Variants in IMMP2L observed in about 807,000 individuals in gnomAD.
The protein encoded by IMMP2L is mitochondrial inner membrane protease subunit 2.
Under a neutral mutation model 19.3 loss-of-function variants are expected in IMMP2L, and 18 were observed. The observed-to-expected ratio is 0.93, with a 90% CI of 0.64 to 1.38. The LOEUF is 1.38. Ranked by LOEUF, IMMP2L falls within the 40% of genes most tolerant of loss-of-function variation. The pLI, the probability that IMMP2L is intolerant of heterozygous loss-of-function variation, is 0.00. For missense variants in IMMP2L, 233 were observed against 218.2 expected, an observed-to-expected ratio of 1.07 and a Z score of -0.43; for synonymous variants, 76 against 73.0, an observed-to-expected ratio of 1.04 and a Z score of -0.21.
At chr7:111,276,640 C>CAAAAAAAAAAAAAAAAAAAA (rs1562997852) in intron 3 of IMMP2L, among the ~76,000 whole-genome samples, 1 of 105,908 alleles carries the variant, frequency 9.4e-6, no homozygotes, top group African/African-American at 3.7e-5. Context: ...CATGTGGAAC[C>CAAAAAAAAAAAAAAAAAAAA]GAAAAAAAAA....
rs1586845629 is a variant in IMMP2L, at chr7:111,210,845, A to C, written c.240-247280T>G. ...ACAAAATGAGAACAAAATTACTCAA[A>C]ATGAGAAATAATACTTGAACTTGAA... is the stretch of plus-strand genomic sequence containing the variant. On this transcript the variant is annotated intron_variant, in intron 3 of 5. Coordinates refer to ENST00000405709, the MANE Select transcript of IMMP2L (RefSeq NM_032549.4). Among the ~76,000 whole-genome samples the C allele has an allele frequency of 2.0e-5, 3 of 152,290 alleles. 1 individual carries two copies. The South Asian group carries it at 6.2e-4, about 32-fold the overall frequency.
At chr7:110,969,840 G>T (rs551535936) in intron 3 of IMMP2L, among the ~76,000 whole-genome samples, 144 of 152,200 alleles carry the variant, frequency 9.5e-4, no homozygotes, top group Non-Finnish European at 1.6e-3. Context: ...ACACTGGAGA[G>T]ATTCCAGTCA....
At chr7:110,932,649 C>T (rs1030918113) in intron 4 of IMMP2L, among the ~76,000 whole-genome samples, 3 of 152,124 alleles carry the variant, frequency 2.0e-5, no homozygotes, top group Non-Finnish European at 1.5e-5. Context: ...CCAATGGTCC[C>T]AGCTCAAGAA....
intron 3 of IMMP2L, among the ~76,000 whole-genome samples, chr7:111,417,766 T>G (rs963128331): frequency 3.9e-5 from 6 of 151,978 alleles, no homozygotes; most frequent in African/African-American, 1.5e-4. Flanking sequence ...TCAAGTTTTC[T>G]CTTATTAGGA....
chr7:111,551,521 T>A (rs1273424550), intron 1 of IMMP2L, among the ~76,000 whole-genome samples: 1 of 151,586 alleles, frequency 6.6e-6, no homozygotes, highest in East Asian at 1.9e-4. Flanking sequence ...TGTGTGTGTG[T>A]GTGTGTGTGT....
chr7:110,789,111 G>A (rs924482220), intron 5 of IMMP2L, among the ~76,000 whole-genome samples: 1 of 151,670 alleles, frequency 6.6e-6, no homozygotes, highest in African/African-American at 2.4e-5. Context: ...AACATCAATT[G>A]CCAGACATGT....
chr7:111,403,964 T>C (rs1833692892), intron 3 of IMMP2L, among the ~76,000 whole-genome samples: 1 of 152,100 alleles, frequency 6.6e-6, no homozygotes. Flanking sequence ...AGAGGCATAC[T>C]TGGAACAACC....
chr7:111,437,606 T>TATAAAA (rs1354049693), intron 3 of IMMP2L, among the ~76,000 whole-genome samples: 1 of 151,942 alleles, frequency 6.6e-6, no homozygotes, highest in East Asian at 1.9e-4. Flanking sequence ...TATAAAAGAT[T>TATAAAA]TTATTTTTTA....
chr7:110,791,929 C>T (rs1800483644), intron 5 of IMMP2L, among the ~76,000 whole-genome samples: 1 of 151,848 alleles, frequency 6.6e-6, no homozygotes, highest in Non-Finnish European at 1.5e-5. Flanking sequence ...GCATGTCTTC[C>T]TCACATGGTT....
chr7:110,721,450 A>G (rs1795559106), intron 5 of IMMP2L, among the ~76,000 whole-genome samples: 1 of 152,158 alleles, frequency 6.6e-6, no homozygotes, highest in South Asian at 2.1e-4. Flanking sequence ...CTAAGCTAAG[A>G]ACCATGGAGA....
At chr7:111,439,753 T>C (rs947970794) in intron 3 of IMMP2L, among the ~76,000 whole-genome samples, 1 of 151,876 alleles carries the variant, frequency 6.6e-6, no homozygotes, top group Non-Finnish European at 1.5e-5. Flanking sequence ...CTGCATCAAT[T>C]GGCTCTTCTC....
intron 3 of IMMP2L, among the ~76,000 whole-genome samples, chr7:111,063,397 C>A (rs1471150891): frequency 6.6e-6 from 1 of 152,200 alleles, no homozygotes; most frequent in African/African-American, 2.4e-5. Flanking sequence ...TCCTAGGCTG[C>A]TGGGCCTGTG....
intron 3 of IMMP2L, among the ~76,000 whole-genome samples, chr7:111,396,606 T>C (rs552654222): frequency 2.6e-4 from 40 of 152,220 alleles, no homozygotes; most frequent in African/African-American, 8.7e-4. Context: ...CCATGGCACA[T>C]GTATACCTAT....
chr7:110,980,227 C>CTTTTTTTTTTT (rs1218434499), intron 3 of IMMP2L, among the ~76,000 whole-genome samples: 82 of 91,884 alleles, frequency 8.9e-4, no homozygotes, highest in Non-Finnish European at 1.3e-3. Flanking sequence ...TGTGCTGCTT[C>CTTTTTTTTTTT]TTTTTTTTTT....
intron 3 of IMMP2L, among the ~76,000 whole-genome samples, chr7:111,383,971 T>C (rs907804281): frequency 1.3e-5 from 2 of 152,128 alleles, no homozygotes; most frequent in African/African-American, 4.8e-5. Context: ...CACTTGGTTA[T>C]AATTAGTTAT....
At chr7:111,048,259 AAAAAAAG>A (rs1563192296) in intron 3 of IMMP2L, among the ~76,000 whole-genome samples, 25 of 149,370 alleles carry the variant, frequency 1.7e-4, no homozygotes, top group African/African-American at 6.0e-4. Context: ...AAAAAAAAAA[AAAAAAAG>A]AAAAAAAGAA....
At chr7:111,539,136 G>A (rs904159044) in intron 1 of IMMP2L, among the ~76,000 whole-genome samples, 199 of 30,816 alleles carry the variant, frequency 6.5e-3, no homozygotes, top group Middle Eastern at 0.011. Context: ...AAAAGAAAAG[G>A]AAGGAAGGAA....
chr7:111,288,760 A>C (rs1820768739), intron 3 of IMMP2L, among the ~76,000 whole-genome samples: 1 of 152,182 alleles, frequency 6.6e-6, no homozygotes, highest in African/African-American at 2.4e-5. Context: ...ATAAAAAGTC[A>C]GGAAACAACA....
At chr7:111,539,196 GAGAA>G (rs56749626) in intron 1 of IMMP2L, among the ~76,000 whole-genome samples, 1,703 of 29,896 alleles carry the variant, frequency 0.057, 191 homozygotes, top group East Asian at 0.1. Flanking sequence ...AGGAAGGAGG[GAGAA>G]AGAAAGAAAG....
Sources: allele counts gnomAD v4.1 joint callset (sites outside exome capture counted in the v4.1 genomes callset), GRCh38; gene constraint gnomAD v4.1.1; transcripts MANE v1.5; gene names NCBI Gene and HGNC (gene_info 2026-07-23, HGNC 2026-07-21).